SLC24A2: variants seen among roughly 807,000 people sequenced by gnomAD.
The protein encoded by SLC24A2 is sodium/potassium/calcium exchanger 2.
SLC24A2 carries 36 observed loss-of-function variants against 62.0 expected under a neutral mutation model. The ratio of observed to expected loss-of-function variants is 0.58; its 90% CI spans 0.44 to 0.77. The LOEUF (loss-of-function observed/expected upper bound fraction) is 0.77. SLC24A2 is among the 30% of genes least tolerant of loss of function. SLC24A2 has a pLI of 0.00. For synonymous variants in SLC24A2, 358 were observed against 294.0 expected (o/e 1.22, Z -2.23); for missense variants, 846 against 817.9 (o/e 1.03, Z -0.42).
chr9:20,058,058 AACAT>A, the SLC24A2 span, among the ~76,000 whole-genome samples: 1 of 152,218 alleles, frequency 6.6e-6, no homozygotes, highest in East Asian at 1.9e-4. Context: ...GTCAACATTT[AACAT>A]TGAACTCACT....
At chr9:20,094,092 G>A in the SLC24A2 span, among the ~76,000 whole-genome samples, 1 of 152,170 alleles carries the variant, frequency 6.6e-6, no homozygotes. Context: ...TATTTGGACT[G>A]ATAGTCCGAA....
chr9:19,874,217 T>A, the SLC24A2 span, among the ~76,000 whole-genome samples: 14 of 151,938 alleles, frequency 9.2e-5, no homozygotes, highest in Non-Finnish European at 1.3e-4. Context: ...GTAGCTGGGA[T>A]GACAGGCGTC....
chr9:20,098,022 G>GT, the SLC24A2 span, among the ~76,000 whole-genome samples: 18,770 of 151,804 alleles, frequency 0.12, 1,320 homozygotes, highest in African/African-American at 0.19. Flanking sequence ...GATTACAGGC[G>GT]GAGCCACCGC....
intron 2 of SLC24A2, among the ~76,000 whole-genome samples, chr9:19,628,547 C>T (rs1255156658): frequency 6.6e-6 from 1 of 152,162 alleles, no homozygotes; most frequent in East Asian, 1.9e-4. Context: ...TTTGTTGTAC[C>T]ATTTCAGCAA....
the SLC24A2 span, among the ~76,000 whole-genome samples, chr9:20,230,437 G>C: frequency 1.3e-5 from 2 of 152,222 alleles, no homozygotes; most frequent in Non-Finnish European, 2.9e-5. Context: ...TGACTGGTGT[G>C]ACATGGTATC....
chr9:19,638,614 G>A (rs1029961413), intron 2 of SLC24A2, among the ~76,000 whole-genome samples: 2 of 152,006 alleles, frequency 1.3e-5, no homozygotes, highest in African/African-American at 4.8e-5. Context: ...TAAAGCTATG[G>A]GATGACACTC....
the SLC24A2 span, among the ~76,000 whole-genome samples, chr9:19,958,630 A>G: frequency 1.4e-4 from 21 of 152,202 alleles, no homozygotes. Flanking sequence ...AATCTCTCTG[A>G]GGCTGTTTCT....
chr9:19,590,877 C>CTCTT, intron 5 of SLC24A2, among the ~76,000 whole-genome samples: 1 of 152,224 alleles, frequency 6.6e-6, no homozygotes, highest in Non-Finnish European at 1.5e-5. Flanking sequence ...ACTCACTTTT[C>CTCTT]TCTTTCTACT....
intron 2 of SLC24A2, among the ~76,000 whole-genome samples, chr9:19,728,909 T>C (rs562713616): frequency 6.6e-6 from 1 of 152,176 alleles, no homozygotes; most frequent in Non-Finnish European, 1.5e-5. Flanking sequence ...ATTTACTGTA[T>C]GCAAATTAAA....
chr9:19,993,468 C>A, the SLC24A2 span, among the ~76,000 whole-genome samples: 2 of 152,144 alleles, frequency 1.3e-5, no homozygotes, highest in African/African-American at 2.4e-5. Flanking sequence ...TATTTTATAA[C>A]CATCTATGGA....
At chr9:19,546,122 G>T (rs377331506) in intron 8 of SLC24A2, among the ~76,000 whole-genome samples, 1 of 152,220 alleles carries the variant, frequency 6.6e-6, no homozygotes, top group East Asian at 1.9e-4. Context: ...GAGCTCTCCT[G>T]TATGAGGTAG....
chr9:19,556,787 T>C (rs950635723), intron 7 of SLC24A2, among the ~76,000 whole-genome samples: 4 of 152,204 alleles, frequency 2.6e-5, no homozygotes, highest in African/African-American at 7.2e-5. Flanking sequence ...CTAGTGCCTC[T>C]CACTGCCTTC....
chr9:19,846,283 G>C, the SLC24A2 span, among the ~76,000 whole-genome samples: 1 of 152,132 alleles, frequency 6.6e-6, no homozygotes, highest in East Asian at 1.9e-4. Flanking sequence ...CCAATGTTGG[G>C]TGCGCATATA....
chr9:19,696,701 T>C (rs1464789923), intron 2 of SLC24A2, among the ~76,000 whole-genome samples: 1 of 152,188 alleles, frequency 6.6e-6, no homozygotes, highest in Non-Finnish European at 1.5e-5. Flanking sequence ...GAAAAAGCAA[T>C]GTCTCATTCA....
chr9:19,515,392 G>C lies in SLC24A2; in HGVS notation c.*761C>G, dbSNP rs1273891005. The C allele has an allele frequency of 6.6e-6, 1 of 152,130 alleles. No individual in the cohort carries two copies. The highest frequency in any genetic ancestry group is 2.1e-4 in the South Asian group (1 of 4,818). 9.4% of individuals were successfully genotyped at this position (152,130 alleles called of 1,614,324 possible). A position where few individuals can be genotyped will look rare whatever the true frequency, so the allele number is the denominator to read the frequency against. On this transcript the variant is annotated 3_prime_UTR_variant, in exon 11 of 11. Coordinates refer to ENST00000341998, the MANE Select transcript of SLC24A2 (RefSeq NM_020344.4). Reference sequence around the variant, plus strand: ...AGGTGGGCAGATAGTCTCTCTGTTTGGCTTGTAGGAATGTTTTGGAAGGCT... The same window carrying C: ...AGGTGGGCAGATAGTCTCTCTGTTTCGCTTGTAGGAATGTTTTGGAAGGCT...
intron 2 of SLC24A2, among the ~76,000 whole-genome samples, chr9:19,770,422 G>C (rs1232667000): frequency 2.0e-5 from 3 of 151,938 alleles, no homozygotes; most frequent in East Asian, 1.9e-4. Context: ...AGTCACATTA[G>C]AGCAATCCTT....
In SLC24A2 at chr9:19,688,724, T is replaced by C. The variant is rs377214085; in HGVS notation, c.931-66425A>G. ...GTGCATTTGCAGAAATTTTTGAATATTATTTTACTGATATAAGTTTCTTAT... is the reference window on the plus strand; with the variant it reads ...GTGCATTTGCAGAAATTTTTGAATACTATTTTACTGATATAAGTTTCTTAT... On this transcript the variant is annotated intron_variant, in intron 2 of 10. Coordinates refer to ENST00000341998, the MANE Select transcript of SLC24A2 (RefSeq NM_020344.4). Among the ~76,000 whole-genome samples, 77 of 152,264 alleles carry C rather than the reference T, an allele frequency of 5.1e-4. 1 individual carries two copies. In the South Asian group the frequency reaches 0.015, roughly 30 times the overall value.
the SLC24A2 span, among the ~76,000 whole-genome samples, chr9:19,843,496 G>C: frequency 6.6e-6 from 1 of 152,202 alleles, no homozygotes; most frequent in Non-Finnish European, 1.5e-5. Context: ...TGGGCAACAA[G>C]AGCGAAACTC....
At chr9:19,843,069 C>T in the SLC24A2 span, among the ~76,000 whole-genome samples, 1 of 152,034 alleles carries the variant, frequency 6.6e-6, no homozygotes, top group African/African-American at 2.4e-5. Flanking sequence ...TGGTGCCAGT[C>T]CATGAACAAT....
Sources: allele counts gnomAD v4.1 joint callset (sites outside exome capture counted in the v4.1 genomes callset), GRCh38; gene constraint gnomAD v4.1.1; transcripts MANE v1.5; gene names NCBI Gene and HGNC (gene_info 2026-07-23, HGNC 2026-07-21).